Variants in MARK3 observed in about 807,000 individuals in gnomAD.
MARK3 encodes the protein microtubule affinity regulating kinase 3.
In MARK3, 46 loss-of-function variants were observed where a neutral mutation model predicts 90.1. That is an observed-to-expected ratio of 0.51 (90% CI 0.40 to 0.65). The LOEUF (loss-of-function observed/expected upper bound fraction) is 0.65. MARK3 is among the 30% of genes least tolerant of loss of function. MARK3 has a pLI of 0.00. For synonymous variants in MARK3, 321 were observed against 332.6 expected (o/e 0.97, Z 0.38); for missense variants, 818 against 947.2 (o/e 0.86, Z 1.79).
chr14:103,434,016 G>T (rs1332670400), intron 3 of MARK3, among the ~76,000 whole-genome samples: 1 of 152,088 alleles, frequency 6.6e-6, no homozygotes, highest in Non-Finnish European at 1.5e-5. Context: ...CGTTGACAGG[G>T]TGTTCTCATT....
chr14:103,407,499 C>G (rs1018234060), intron 2 of MARK3, among the ~76,000 whole-genome samples: 1 of 147,516 alleles, frequency 6.8e-6, no homozygotes, highest in African/African-American at 2.5e-5. Flanking sequence ...ATTAAAACCA[C>G]AAAACTAACT....
chr14:103,450,375 G>A (rs1005387828), intron 4 of MARK3, among the ~76,000 whole-genome samples: 1 of 152,036 alleles, frequency 6.6e-6, no homozygotes, highest in Non-Finnish European at 1.5e-5. Context: ...TATCACTGTT[G>A]CCTAGAACAA....
At chr14:103,429,983 A>G (rs1485202463) in intron 3 of MARK3, among the ~76,000 whole-genome samples, 1 of 151,276 alleles carries the variant, frequency 6.6e-6, no homozygotes, top group Non-Finnish European at 1.5e-5. Flanking sequence ...GTCATTTTTT[A>G]TTTTATTTTA....
At position 103,385,709 on chromosome 14, in the gene MARK3, C is replaced by T. The variant is rs538920284; in HGVS notation, c.-321C>T. The T allele has an allele frequency of 1.2e-3, 344 of 285,364 alleles. 2 individuals carry two copies. The highest frequency in any genetic ancestry group is 6.9e-3 in the African/African-American group (314 of 45,194). The allele number at this position is 285,364 out of a possible 1,614,324, so 17.7% of individuals were successfully genotyped here. On this transcript the variant is annotated 5_prime_UTR_variant, in exon 1 of 18. Coordinates refer to ENST00000429436, the MANE Select transcript of MARK3 (RefSeq NM_001128918.3). ...GAGTGGAGAAGGAGGTGAGGGGGCC[C>T]AGGATCGCGGGGCGCCCTGAGGCAA...
intron 12 of MARK3, among the ~76,000 whole-genome samples, chr14:103,470,276 T>A (rs542805897): frequency 9.9e-5 from 15 of 152,016 alleles, no homozygotes; most frequent in Admixed American, 7.9e-4. Context: ...CAGTCCTTTA[T>A]GAGACATAAG....
intron 3 of MARK3, among the ~76,000 whole-genome samples, chr14:103,432,523 A>G (rs1283561295): frequency 6.7e-6 from 1 of 150,370 alleles, no homozygotes; most frequent in Non-Finnish European, 1.5e-5. Context: ...TGAGCTGAGC[A>G]GAAGTTGGCT....
rs778283716 is a variant in MARK3, at chr14:103,503,114, G to T, written c.2149G>T (p.Val717Leu). 1 of 1,614,234 alleles carries T rather than the reference G, an allele frequency of 6.2e-7. No individual in the cohort carries two copies. The highest frequency in any genetic ancestry group is 1.7e-5 in the Admixed American group (1 of 60,028). Residue 717 changes from valine (V) to leucine (L), a missense_variant, in exon 18 of 18, where the codon GTG becomes TTG. Physicochemically the swap from Val to Leu is conservative, Grantham distance 32. Around this residue, in one of 3 missense-constraint regions of MARK3, gnomAD observed 560 missense variants for 613.5 expected, o/e 0.91. Transcript: ENST00000429436. Reference sequence around the variant, plus strand: ...GAACCTCGTGCAGTGGGAAATGGAAGTGTGCAAGCTGCCAAGACTGTCTCT... The same window carrying T: ...GAACCTCGTGCAGTGGGAAATGGAATTGTGCAAGCTGCCAAGACTGTCTCT... ...AENLVQWEME[V>L]CKLPRLSLNG... is the part of the protein sequence containing the mutation.
At chr14:103,469,108 A>G (rs112081877) in intron 12 of MARK3, 4 of 152,056 alleles carry the variant, frequency 2.6e-5, no homozygotes, top group African/African-American at 4.8e-5. Flanking sequence ...ACTTGTGGCT[A>G]TCAAGTACTT....
chr14:103,446,198 A>G (rs1193385566), intron 3 of MARK3, among the ~76,000 whole-genome samples: 1 of 152,170 alleles, frequency 6.6e-6, no homozygotes, highest in African/African-American at 2.4e-5. Context: ...CTGAGACTTA[A>G]AGGATGAAAA....
At chr14:103,419,285 C>T (rs1471750070) in intron 2 of MARK3, among the ~76,000 whole-genome samples, 2 of 151,744 alleles carry the variant, frequency 1.3e-5, no homozygotes, top group South Asian at 2.1e-4. Flanking sequence ...AGCGAGACCC[C>T]GTCTCATAAA....
Position 103,398,472 on chromosome 14 carries a change from G to A in MARK3, c.52-6604G>A, listed in dbSNP as rs572927364. Among the ~76,000 whole-genome samples, 7 of 152,190 alleles carry A rather than the reference G, an allele frequency of 4.6e-5. No homozygotes were observed. The East Asian group carries it at 1.4e-3, about 29-fold the overall frequency. On this transcript the variant is annotated intron_variant, in intron 1 of 17. Coordinates refer to ENST00000429436, the MANE Select transcript of MARK3 (RefSeq NM_001128918.3). ...TGGGTGCATTCTTGTTTTTTGCGGG[G>A]GTTGGTGATTTTTATCAAATCAAGG...
Position 103,391,998 on chromosome 14 carries a change from C to G in MARK3, c.51+5918C>G, listed in dbSNP as rs941119064. 2.4e-4 allele frequency among the ~76,000 whole-genome samples: 36 copies of G among 152,148 alleles called. 1 individual carries two copies. The highest frequency in any genetic ancestry group is 8.8e-5 in the Non-Finnish European group (6 of 68,036). On this transcript the variant is annotated intron_variant, in intron 1 of 17. Coordinates refer to ENST00000429436, the MANE Select transcript of MARK3 (RefSeq NM_001128918.3). ...CACCTGAATTTCAAAGGATATGACA[C>G]TTCGTAAGCCTGGTAATGTTATTGG...
chr14:103,468,960 A>T (rs984911425), intron 12 of MARK3, among the ~76,000 whole-genome samples: 5 of 151,736 alleles, frequency 3.3e-5, no homozygotes, highest in African/African-American at 1.2e-4. Context: ...AACTGAATAG[A>T]ACTGCTAGTC....
chr14:103,419,337 A>G (rs952064967), intron 2 of MARK3, among the ~76,000 whole-genome samples: 3 of 152,036 alleles, frequency 2.0e-5, no homozygotes, highest in African/African-American at 7.3e-5. Context: ...CAAAGCTTTT[A>G]TTTATTAGGG....
intron 1 of MARK3, among the ~76,000 whole-genome samples, chr14:103,391,292 T>TA (rs2090224370): frequency 6.6e-6 from 1 of 152,216 alleles, no homozygotes; most frequent in African/African-American, 2.4e-5. Context: ...GCCCCCCATG[T>TA]ACTCAACAGC....
At chr14:103,419,132 C>A (rs144638837) in intron 2 of MARK3, among the ~76,000 whole-genome samples, 1 of 151,900 alleles carries the variant, frequency 6.6e-6, no homozygotes. Context: ...ACTAAAAATA[C>A]GAAAACAAAA....
At position 103,439,974 on chromosome 14, in the gene MARK3, G is replaced by A. The variant is rs568165433; in HGVS notation, c.298-8945G>A. 2.7e-5 allele frequency among the ~76,000 whole-genome samples: 4 copies of A among 148,762 alleles called. No homozygotes were observed. In the East Asian group the frequency reaches 6.1e-4, roughly 23 times the overall value. ...TAATCTTTGTGTTTTTAGTAGAGAC[G>A]GGTTTTCACCACGTTGGCCAGGCTG... On this transcript the variant is annotated intron_variant, in intron 3 of 17. Coordinates refer to ENST00000429436, the MANE Select transcript of MARK3 (RefSeq NM_001128918.3).
At chr14:103,395,234 T>C (rs1037101159) in intron 1 of MARK3, among the ~76,000 whole-genome samples, 1 of 151,788 alleles carries the variant, frequency 6.6e-6, no homozygotes, top group Non-Finnish European at 1.5e-5. Flanking sequence ...AGGAACAACA[T>C]ATAAAAGGAG....
intron 3 of MARK3, among the ~76,000 whole-genome samples, chr14:103,431,666 C>T (rs539852151): frequency 5.9e-5 from 9 of 152,148 alleles, no homozygotes; most frequent in Non-Finnish European, 1.2e-4. Flanking sequence ...AGTTAGCCAA[C>T]CTTGAGCACA....
Sources: gnomAD v4.1 joint callset for allele counts (sites outside exome capture counted in the v4.1 genomes callset) on GRCh38, gnomAD v4.1.1 for gene constraint, gnomAD v4.1.1 regional missense constraint, MANE v1.5 for transcripts, NCBI Gene and HGNC (gene_info 2026-07-23, HGNC 2026-07-21) for gene names.